IQCM: variants seen among roughly 807,000 people sequenced by gnomAD.
IQCM encodes IQ domain-containing protein M.
IQCM carries 45 observed loss-of-function variants against 57.6 expected under a neutral mutation model. The observed-to-expected ratio is 0.78, with a 90% confidence interval of 0.62 to 1.00. IQCM has a LOEUF of 1.00. Ranked by LOEUF, IQCM falls within the 50% of genes least tolerant of loss-of-function variation. The probability of loss-of-function intolerance (pLI) is 0.00; values close to 1 mark genes in which losing one functional copy is unlikely to be tolerated. For missense variants in IQCM, 468 were observed against 511.6 expected, an observed-to-expected ratio of 0.91 and a Z score of 0.82; for synonymous variants, 148 against 158.9, an observed-to-expected ratio of 0.93 and a Z score of 0.51.
chr4:149,641,385 G>T (rs183858836), intron 7 of IQCM, among the ~76,000 whole-genome samples: 66 of 151,846 alleles, frequency 4.3e-4, no homozygotes, highest in Non-Finnish European at 6.2e-4. Context: ...TGAAAATGAA[G>T]AAAAATTATA....
intron 11 of IQCM, among the ~76,000 whole-genome samples, chr4:149,551,652 T>C (rs901415075): frequency 6.6e-6 from 1 of 152,174 alleles, no homozygotes; most frequent in African/African-American, 2.4e-5. Flanking sequence ...GGTTTTAGTA[T>C]ATATTTTGAT....
intron 2 of IQCM, among the ~76,000 whole-genome samples, chr4:149,802,975 C>T (rs1773740348): frequency 6.6e-6 from 1 of 151,910 alleles, no homozygotes. Flanking sequence ...TATATGATCT[C>T]ATTTCATCAT....
intron 12 of IQCM, among the ~76,000 whole-genome samples, chr4:149,441,408 A>G (rs1388308640): frequency 2.0e-5 from 3 of 152,282 alleles, no homozygotes; most frequent in East Asian, 1.9e-4. Context: ...GATAAAATAA[A>G]AAGAAAAAGG....
intron 12 of IQCM, among the ~76,000 whole-genome samples, chr4:149,489,751 A>G (rs1741890270): frequency 6.6e-6 from 1 of 151,848 alleles, no homozygotes; most frequent in African/African-American, 2.4e-5. Context: ...GGATATCTCT[A>G]TAATTCAATA....
At position 149,713,966 on chromosome 4, in the gene IQCM, C is replaced by T. The variant is rs1664409202; in HGVS notation, c.385+19278G>A. 2.0e-5 allele frequency among the ~76,000 whole-genome samples: 3 copies of T among 152,154 alleles called. 1 individual carries two copies. Among genetic ancestry groups the T allele is most frequent in the Admixed American group, 2.0e-4 (3 of 15,280 alleles). On this transcript the variant is annotated intron_variant, in intron 5 of 13. Coordinates refer to ENST00000636793, the MANE Select transcript of IQCM (RefSeq NM_001363507.2). ...TGCTCTCTCTTGATCTCACCTCCCC[C>T]AACAGTCACCTAATTTCTGTGTTCT...
intron 12 of IQCM, among the ~76,000 whole-genome samples, chr4:149,474,291 A>G (rs1452694671): frequency 6.6e-6 from 1 of 152,070 alleles, no homozygotes; most frequent in African/African-American, 2.4e-5. Flanking sequence ...CTGGTTGAGC[A>G]CAGTGGCTCA....
intron 12 of IQCM, among the ~76,000 whole-genome samples, chr4:149,488,809 A>G (rs72955449): frequency 0.015 from 2,339 of 152,268 alleles, 40 homozygotes; most frequent in African/African-American, 0.042. Flanking sequence ...CAAGAAGAGA[A>G]AAGGTAATAT....
chr4:149,397,006 A>G lies in IQCM; in HGVS notation c.1390+36390T>C, dbSNP rs1332631884. On this transcript the variant is annotated intron_variant, in intron 13 of 13. Transcript: ENST00000636793. ...TATTGTGAATCATGATGCAATGAACATAAGAATGCTCATATCTTGGAGACA... is the reference window on the plus strand; with the variant it reads ...TATTGTGAATCATGATGCAATGAACGTAAGAATGCTCATATCTTGGAGACA... Among the ~76,000 whole-genome samples the G allele has an allele frequency of 2.6e-5, 4 of 152,048 alleles. No homozygotes were observed. The East Asian group carries it at 5.8e-4, about 22-fold the overall frequency.
chr4:149,550,697 T>C (rs768929797), intron 11 of IQCM, among the ~76,000 whole-genome samples: 4 of 152,196 alleles, frequency 2.6e-5, no homozygotes, highest in Non-Finnish European at 4.4e-5. Flanking sequence ...CATTGAAAGA[T>C]GCTTAAAAAG....
At chr4:149,752,917 C>A (rs1488210655) in intron 2 of IQCM, among the ~76,000 whole-genome samples, 2 of 152,134 alleles carry the variant, frequency 1.3e-5, no homozygotes. Context: ...ACATGTCTTA[C>A]CACCACGCCC....
rs183481983 is a variant in IQCM at position 149,369,127 on chromosome 4, G to A, written c.1391-17061C>T. Among the ~76,000 whole-genome samples, 96 of 148,122 alleles carry A rather than the reference G, an allele frequency of 6.5e-4. 2 individuals carry two copies. Among genetic ancestry groups the A allele is most frequent in the African/African-American group, 2.0e-3 (79 of 40,360 alleles). On this transcript the variant is annotated intron_variant, in intron 13 of 13. Coordinates refer to ENST00000636793, the MANE Select transcript of IQCM (RefSeq NM_001363507.2). ...TGGCACGATCTCAGCTCACTGTGAC[G>A]TCTACCTCATGAGTTCAAGTGATTC...
chr4:149,465,621 G>C (rs1560873846), intron 12 of IQCM, among the ~76,000 whole-genome samples: 3 of 152,026 alleles, frequency 2.0e-5, no homozygotes, highest in Non-Finnish European at 4.4e-5. Flanking sequence ...ATTTTGAGGG[G>C]AGAAAGAAAA....
chr4:149,624,046 T>C (rs758522967), intron 7 of IQCM, among the ~76,000 whole-genome samples: 3 of 152,150 alleles, frequency 2.0e-5, no homozygotes, highest in Middle Eastern at 6.3e-3. Context: ...TAATTCATGT[T>C]AGTGTGCTGC....
chr4:149,694,035 A>G (rs928387364), intron 5 of IQCM, among the ~76,000 whole-genome samples: 3 of 152,068 alleles, frequency 2.0e-5, no homozygotes, highest in Admixed American at 2.0e-4. Context: ...ACTGGGACTT[A>G]TTTCCCTTGA....
At chr4:149,778,031 T>C (rs1460122225) in intron 2 of IQCM, among the ~76,000 whole-genome samples, 6 of 152,142 alleles carry the variant, frequency 3.9e-5, no homozygotes, top group African/African-American at 1.4e-4. Flanking sequence ...TTCTAGGTAA[T>C]CTATGGGTCA....
chr4:149,398,375 A>T (rs1432990944), intron 13 of IQCM, among the ~76,000 whole-genome samples: 1 of 151,806 alleles, frequency 6.6e-6, no homozygotes, highest in East Asian at 1.9e-4. Flanking sequence ...GAATTATAGA[A>T]TTTTTTTCTT....
intron 8 of IQCM, among the ~76,000 whole-genome samples, chr4:149,592,423 T>C (rs1400300982): frequency 2.0e-5 from 3 of 152,140 alleles, no homozygotes; most frequent in Admixed American, 6.5e-5. Flanking sequence ...TTCACTCTGA[T>C]GGTAGTTTCT....
At chr4:149,597,890 C>T (rs1477519327) in intron 8 of IQCM, among the ~76,000 whole-genome samples, 1 of 151,720 alleles carries the variant, frequency 6.6e-6, no homozygotes, top group Non-Finnish European at 1.5e-5. Context: ...CTCATAACAA[C>T]AAAATAAACT....
intron 12 of IQCM, among the ~76,000 whole-genome samples, chr4:149,438,841 A>G (rs1197001460): frequency 6.6e-6 from 1 of 152,078 alleles, no homozygotes; most frequent in Non-Finnish European, 1.5e-5. Flanking sequence ...GTTAAATGAT[A>G]TGCCAATAAA....
Sources: allele counts gnomAD v4.1 joint callset (sites outside exome capture counted in the v4.1 genomes callset), GRCh38; gene constraint gnomAD v4.1.1; transcripts MANE v1.5; gene names NCBI Gene and HGNC (gene_info 2026-07-23, HGNC 2026-07-21).